WDR17: variants seen among roughly 807,000 people sequenced by gnomAD.
WDR17 encodes WD repeat domain 17.
A neutral mutation model predicts 161.7 loss-of-function variants in WDR17; 143 were observed. The ratio of observed to expected loss-of-function variants is 0.88; its 90% CI spans 0.77 to 1.02. The LOEUF (loss-of-function observed/expected upper bound fraction) is 1.02. Ranked by LOEUF, WDR17 falls within the 50% of genes least tolerant of loss-of-function variation. The pLI, the probability that WDR17 is intolerant of heterozygous loss-of-function variation, is 0.00. For synonymous variants in WDR17, 517 were observed against 515.6 expected, an observed-to-expected ratio of 1.00 and a Z score of -0.04; for missense variants, 1,469 against 1,520.9, an observed-to-expected ratio of 0.97 and a Z score of 0.57.
At chr4:176,087,013 C>G (rs990478526) in intron 1 of WDR17, among the ~76,000 whole-genome samples, 1 of 151,844 alleles carries the variant, frequency 6.6e-6, no homozygotes. Context: ...CTCCATTTAT[C>G]CTGCTGTCTT....
chr4:176,173,722 G>A (rs1751072836), intron 25 of WDR17, among the ~76,000 whole-genome samples: 1 of 151,804 alleles, frequency 6.6e-6, no homozygotes, highest in Non-Finnish European at 1.5e-5. Context: ...TTACCATGTT[G>A]GCCAGGATGG....
At position 176,150,019 on chromosome 4, in the gene WDR17, C is replaced by T. The variant is rs767873370; in HGVS notation, c.2048-24C>T. 3.1e-6 allele frequency: 5 copies of T among 1,611,550 alleles called. No individual in the cohort carries two copies. In the East Asian group the frequency reaches 8.9e-5, roughly 29 times the overall value. ...ATAAGTTTTATGAGAAATCTTTTCT[C>T]ACTGAATTATGTCTGTTCTTCAGAT... On this transcript the variant is annotated intron_variant, in intron 14 of 28. Transcript: ENST00000508596.
intron 2 of WDR17, among the ~76,000 whole-genome samples, chr4:176,113,407 T>C (rs928499596): frequency 1.3e-5 from 2 of 152,082 alleles, no homozygotes; most frequent in Non-Finnish European, 2.9e-5. Context: ...TTTTAAAATA[T>C]TGAGGTAAAA....
intron 10 of WDR17, among the ~76,000 whole-genome samples, 172 bp downstream of exon 10, chr4:176,140,146 T>C (rs1258557840): frequency 1.3e-5 from 2 of 152,064 alleles, no homozygotes; most frequent in Non-Finnish European, 2.9e-5. Context: ...GTATCATTAA[T>C]AAATAACAAT....
chr4:176,164,054 G>A (rs770967157), intron 22 of WDR17, among the ~76,000 whole-genome samples: 3 of 152,138 alleles, frequency 2.0e-5, no homozygotes, highest in African/African-American at 7.2e-5. Context: ...CCACCCTGGA[G>A]GTGGAGCTAT....
chr4:176,069,952 A>T (rs893017504), intron 1 of WDR17, among the ~76,000 whole-genome samples: 2 of 152,214 alleles, frequency 1.3e-5, no homozygotes, highest in Non-Finnish European at 2.9e-5. Context: ...TAATGAAAAG[A>T]GTTATGCAAC....
intron 1 of WDR17, among the ~76,000 whole-genome samples, chr4:176,090,942 C>T (rs1034448083): frequency 1.3e-5 from 2 of 152,202 alleles, no homozygotes; most frequent in Non-Finnish European, 2.9e-5. Context: ...ACAGATTGCT[C>T]ATGCTGTTGT....
intron 1 of WDR17, among the ~76,000 whole-genome samples, chr4:176,082,451 C>A (rs1734871405): frequency 6.6e-6 from 1 of 151,966 alleles, no homozygotes; most frequent in African/African-American, 2.4e-5. Flanking sequence ...ACCTAAAAGT[C>A]GACCTGAGAT....
In WDR17 at chr4:176,173,944, T is replaced by G. The variant is rs1029462477; in HGVS notation, c.3347+575T>G. ...TGTACACACACATGCACACCTGGTT[T>G]AAAGAAAGCAAGTTCAAAGCTTTTG... On this transcript the variant is annotated intron_variant, in intron 25 of 28. Coordinates refer to ENST00000508596, the MANE Select transcript of WDR17 (RefSeq NM_181265.4). 1.3e-4 allele frequency among the ~76,000 whole-genome samples: 20 copies of G among 151,430 alleles called. No individual in the cohort carries two copies. The Admixed American group carries it at 1.3e-3, about 10-fold the overall frequency.
chr4:176,073,022 G>A (rs1215818917), intron 1 of WDR17, among the ~76,000 whole-genome samples: 2 of 152,072 alleles, frequency 1.3e-5, no homozygotes, highest in East Asian at 3.9e-4. Context: ...TTCACCAGAT[G>A]TCTTATATTT....
chr4:176,152,027 A>G, intron 17 of WDR17, 60 bp downstream of exon 17: 1 of 1,508,746 alleles, frequency 6.6e-7, no homozygotes, highest in Non-Finnish European at 8.9e-7. Flanking sequence ...CGTTAAGAAT[A>G]TACTCAATTT....
At chr4:176,131,387 T>C (rs1292108593) in intron 6 of WDR17, among the ~76,000 whole-genome samples, 167 bp from the exon 7 acceptor site, 2 of 152,158 alleles carry the variant, frequency 1.3e-5, no homozygotes, top group African/African-American at 2.4e-5. Flanking sequence ...TTTGTGCTTA[T>C]ATTACATTTT....
At chr4:176,141,458 GT>G (rs747447029) in intron 10 of WDR17, among the ~76,000 whole-genome samples, 1 of 152,052 alleles carries the variant, frequency 6.6e-6, no homozygotes, top group African/African-American at 2.4e-5. Flanking sequence ...CGTTTTTGTT[GT>G]TTTTCCATCG....
intron 1 of WDR17, among the ~76,000 whole-genome samples, chr4:176,076,949 C>G (rs1269054823): frequency 1.3e-5 from 2 of 152,062 alleles, no homozygotes; most frequent in Non-Finnish European, 2.9e-5. Context: ...ATGTCCTAAT[C>G]TAATAGGCAT....
intron 1 of WDR17, chr4:176,111,280 A>G (rs775490295): frequency 5.2e-6 from 1 of 191,660 alleles, no homozygotes; most frequent in African/African-American, 2.3e-5. Context: ...TGCAATTTCT[A>G]TTTCACTGGA....
rs1319823586 is a variant in WDR17, at chr4:176,150,602, A to G, written c.2304+9A>G. ...TGATTAAATTTAGAACAGTGAGTAA[A>G]ATATGCAAATATGATGTACTCAAGC... On this transcript the variant is annotated intron_variant, in intron 16 of 28. Coordinates refer to ENST00000508596, the MANE Select transcript of WDR17 (RefSeq NM_181265.4). The G allele has an allele frequency of 1.9e-6, 3 of 1,580,252 alleles. No homozygotes were observed. In the Admixed American group the frequency reaches 5.8e-5, roughly 30 times the overall value.
chr4:176,142,911 C>A (rs1351191270), intron 11 of WDR17, among the ~76,000 whole-genome samples: 1 of 152,148 alleles, frequency 6.6e-6, no homozygotes, highest in East Asian at 1.9e-4. Context: ...CGGAGTTTCA[C>A]TCTTGCTGCC....
At chr4:176,134,703 T>A (rs1045925450) in intron 7 of WDR17, among the ~76,000 whole-genome samples, 1 of 151,748 alleles carries the variant, frequency 6.6e-6, no homozygotes, top group Admixed American at 6.6e-5. Context: ...TTGAGTTTCA[T>A]CTTGGTCTTC....
chr4:176,143,919 T>G (rs1171537551), intron 11 of WDR17, among the ~76,000 whole-genome samples: 7 of 152,144 alleles, frequency 4.6e-5, no homozygotes, highest in African/African-American at 1.7e-4. Flanking sequence ...TTCAATACTT[T>G]CCCATTAACT....
Sources: gnomAD v4.1 joint callset for allele counts (sites outside exome capture counted in the v4.1 genomes callset) on GRCh38, gnomAD v4.1.1 for gene constraint, MANE v1.5 for transcripts, NCBI Gene and HGNC (gene_info 2026-07-23, HGNC 2026-07-21) for gene names.